Variants in DHX15 observed in about 807,000 individuals in gnomAD.
The protein encoded by DHX15 is ATP-dependent RNA helicase DHX15.
A neutral mutation model predicts 94.4 loss-of-function variants in DHX15; 11 were observed. That is an observed-to-expected ratio of 0.12 (90% CI 0.07 to 0.19). The LOEUF is 0.19. Among genes scored for constraint, DHX15 ranks in the 10% least tolerant of loss-of-function variants. The pLI, the probability that DHX15 is intolerant of heterozygous loss-of-function variation, is 1.00. For missense variants in DHX15, 304 were observed against 988.5 expected, an observed-to-expected ratio of 0.31 and a Z score of 9.29; for synonymous variants, 338 against 329.9, an observed-to-expected ratio of 1.02 and a Z score of -0.27.
At chr4:24,578,362 T>C (rs1722322325) in intron 1 of DHX15, among the ~76,000 whole-genome samples, 1 of 152,180 alleles carries the variant, frequency 6.6e-6, no homozygotes, top group South Asian at 2.1e-4. Context: ...TAGTTTATAA[T>C]AAGAGTACAC....
intron 12 of DHX15, among the ~76,000 whole-genome samples, chr4:24,531,081 G>C (rs1721074368): frequency 6.7e-6 from 1 of 148,532 alleles, no homozygotes; most frequent in South Asian, 2.2e-4. Context: ...CTTGAATATA[G>C]TTTCATCAAT....
intron 1 of DHX15, among the ~76,000 whole-genome samples, chr4:24,578,390 A>T (rs1210316223): frequency 6.6e-6 from 1 of 152,192 alleles, no homozygotes. Context: ...TGCCCAGCAA[A>T]GTAAGAAGCA....
At chr4:24,559,475 G>A (rs1307314857) in intron 3 of DHX15, among the ~76,000 whole-genome samples, 2 of 150,400 alleles carry the variant, frequency 1.3e-5, no homozygotes, top group Non-Finnish European at 3.0e-5. Context: ...ACTTGACACA[G>A]AACTCAGGAA....
At chr4:24,533,782 CAAAGACAGTCATGGCAAAGAATTGCATT>C (rs1209896241) in intron 11 of DHX15, 2 of 152,068 alleles carry the variant, frequency 1.3e-5, no homozygotes, top group African/African-American at 2.4e-5. Flanking sequence ...TTTCATGTGC[CAAAGACAGTCATGGCAAAGAATTGCATT>C]ATTTATTTCA....
chr4:24,556,228 A>G (rs1721736421), intron 4 of DHX15, 23 bp downstream of exon 4: 1 of 1,609,038 alleles, frequency 6.2e-7, no homozygotes, highest in Non-Finnish European at 8.5e-7. Flanking sequence ...ATATAGTTAA[A>G]TGGAGAGAAG....
intron 12 of DHX15, 23 bp from the exon 13 acceptor site, chr4:24,529,793 T>A (rs1356127889): frequency 6.2e-7 from 1 of 1,612,464 alleles, no homozygotes; most frequent in Non-Finnish European, 8.5e-7. Flanking sequence ...CCCAGTATAT[T>A]ATTAATACAA....
In DHX15 at chr4:24,584,469, T is replaced by A; in HGVS notation, c.-76A>T. ...ATGGGCACAGTCGAGGACAGCCACTTAACTCTGGAGGACCCCCACCCCTCC... is the reference window on the plus strand; with the variant it reads ...ATGGGCACAGTCGAGGACAGCCACTAAACTCTGGAGGACCCCCACCCCTCC... On this transcript the variant is annotated 5_prime_UTR_variant, in exon 1 of 14. Transcript: ENST00000336812. 7.0e-7 allele frequency: 1 copy of A among 1,432,174 alleles called. No individual in the cohort carries two copies. The highest frequency in any genetic ancestry group is 9.6e-7 in the Non-Finnish European group (1 of 1,043,434). 88.7% of individuals were successfully genotyped at this position (1,432,174 alleles called of 1,614,324 possible).
intron 10 of DHX15, chr4:24,538,003 A>G (rs1324204631): frequency 1.3e-5 from 2 of 152,174 alleles, no homozygotes; most frequent in Non-Finnish European, 2.9e-5. Flanking sequence ...GGTCATCAAG[A>G]TATGTAACTA....
rs1721214872 is a variant in DHX15, at chr4:24,537,211, T to G, written c.1787-38A>C. ...GGTATGGGCCCAACACAAACGCCCA[T>G]ATCGATGAGTCACGCATTCACAGAT... On this transcript the variant is annotated intron_variant, in intron 10 of 13. Coordinates refer to ENST00000336812, the MANE Select transcript of DHX15 (RefSeq NM_001358.3). The surrounding 1 kb of genome is among the most constrained non-coding windows in gnomAD (Gnocchi z 4.7). 1 of 1,611,984 alleles carries G rather than the reference T, an allele frequency of 6.2e-7. No individual in the cohort carries two copies.
chr4:24,559,171 G>A (rs545904549), intron 3 of DHX15, among the ~76,000 whole-genome samples: 4 of 151,944 alleles, frequency 2.6e-5, no homozygotes, highest in Non-Finnish European at 4.4e-5. Flanking sequence ...GGAAAGCCAC[G>A]TGAAGATGAA....
chr4:24,556,482 G>C, intron 3 of DHX15, 72 bp from the exon 4 acceptor site: 1 of 1,227,004 alleles, frequency 8.1e-7, no homozygotes, highest in Non-Finnish European at 1.1e-6. Context: ...TGACAAAAAT[G>C]AAATGCAAAG....
At chr4:24,571,687 C>T (rs776668783) in intron 2 of DHX15, among the ~76,000 whole-genome samples, 10 of 152,160 alleles carry the variant, frequency 6.6e-5, no homozygotes, top group Admixed American at 1.3e-4. Context: ...AGCTTCCAAA[C>T]GCCTATCAAA....
intron 3 of DHX15, among the ~76,000 whole-genome samples, chr4:24,569,018 T>C (rs1001226048): frequency 3.3e-5 from 5 of 152,192 alleles, no homozygotes; most frequent in African/African-American, 1.2e-4. Context: ...GAATAAAAAG[T>C]TCTAATAAAA....
Position 24,537,297 on chromosome 4 carries a change from A to C in DHX15, c.1787-124T>G. ...CATAGGGCAGGGCAGGATGGCCTCC[A>C]ACTGCATCTTGGATTGTTTACTACC... On this transcript the variant is annotated intron_variant, in intron 10 of 13. Coordinates refer to ENST00000336812, the MANE Select transcript of DHX15 (RefSeq NM_001358.3). The surrounding 1 kb of genome is among the most constrained non-coding windows in gnomAD (Gnocchi z 4.7). The C allele has an allele frequency of 7.8e-7, 1 of 1,281,890 alleles. No individual in the cohort carries two copies. Among genetic ancestry groups the C allele is most frequent in the Non-Finnish European group, 1.1e-6 (1 of 939,510 alleles). 79.4% of individuals were successfully genotyped at this position (1,281,890 alleles called of 1,614,324 possible).
chr4:24,557,308 G>C (rs1344839258), intron 3 of DHX15, among the ~76,000 whole-genome samples: 1 of 152,122 alleles, frequency 6.6e-6, no homozygotes, highest in African/African-American at 2.4e-5. Flanking sequence ...AGATGCTTAA[G>C]TCACAGCTCA....
intron 3 of DHX15, among the ~76,000 whole-genome samples, chr4:24,557,909 A>G (rs1721771596): frequency 6.6e-6 from 1 of 152,018 alleles, no homozygotes; most frequent in East Asian, 1.9e-4. Context: ...AGCAGAACAT[A>G]ACATACAGCT....
intron 3 of DHX15, among the ~76,000 whole-genome samples, chr4:24,559,499 C>T (rs1721817303): frequency 6.6e-6 from 1 of 151,900 alleles, no homozygotes; most frequent in Non-Finnish European, 1.5e-5. Context: ...CAGAATCAGG[C>T]ACTGGAGATA....
In DHX15 at chr4:24,574,053, A is replaced by C. The variant is rs193060368; in HGVS notation, c.507+2190T>G. ...TCTATTAAAAATACAAAAAAAAAAA[A>C]AAAATAGCCAGGCATGGTGGTGCGC... On this transcript the variant is annotated intron_variant, in intron 2 of 13. Transcript: ENST00000336812. 8.1e-3 allele frequency among the ~76,000 whole-genome samples: 1,233 copies of C among 151,418 alleles called. 21 individuals carry two copies. The highest frequency in any genetic ancestry group is 0.028 in the African/African-American group (1,146 of 41,252).
chr4:24,575,902 A>G (rs1722256122), intron 2 of DHX15, among the ~76,000 whole-genome samples: 1 of 152,232 alleles, frequency 6.6e-6, no homozygotes, highest in Non-Finnish European at 1.5e-5. Context: ...CATATTAAAT[A>G]CAAACGACAA....
Sources: gnomAD v4.1 joint callset for allele counts (sites outside exome capture counted in the v4.1 genomes callset) on GRCh38, gnomAD v4.1.1 for gene constraint, Gnocchi (gnomAD v3.1) non-coding constraint, MANE v1.5 for transcripts, NCBI Gene and HGNC (gene_info 2026-07-23, HGNC 2026-07-21) for gene names.